The following KIAA1217 variants were observed in gnomAD, a reference collection of about 807,000 sequenced individuals.
KIAA1217 encodes the protein sickle tail protein homolog.
In KIAA1217, 88 loss-of-function variants were observed where a neutral mutation model predicts 163.9. That is an observed-to-expected ratio of 0.54 (90% confidence interval 0.45 to 0.64). KIAA1217 has a LOEUF of 0.64. Ranked by LOEUF, KIAA1217 falls within the 30% of genes least tolerant of loss-of-function variation. The pLI, the probability that KIAA1217 is intolerant of heterozygous loss-of-function variation, is 0.00. For synonymous variants in KIAA1217, 903 were observed against 923.1 expected, an observed-to-expected ratio of 0.98 and a Z score of 0.39; for missense variants, 2,372 against 2,475.0, an observed-to-expected ratio of 0.96 and a Z score of 0.88.
intron 1 of KIAA1217, among the ~76,000 whole-genome samples, chr10:23,950,168 T>C (rs1047452875): frequency 1.3e-5 from 2 of 152,300 alleles, no homozygotes; most frequent in East Asian, 3.9e-4. Context: ...AGTGGTGATT[T>C]GTAGTTGTAA....
intron 3 of KIAA1217, among the ~76,000 whole-genome samples, chr10:24,402,166 G>T (rs575749212): frequency 2.0e-4 from 30 of 151,946 alleles, no homozygotes; most frequent in Non-Finnish European, 3.7e-4. Flanking sequence ...ACCACAGCAA[G>T]TTTTTTTTGT....
At chr10:23,985,466 A>G (rs1845933367) in intron 1 of KIAA1217, among the ~76,000 whole-genome samples, 1 of 152,132 alleles carries the variant, frequency 6.6e-6, no homozygotes, top group African/African-American at 2.4e-5. Flanking sequence ...CCATGTTCTG[A>G]GTTACCACAG....
chr10:24,209,836 G>A (rs901715243), intron 1 of KIAA1217, among the ~76,000 whole-genome samples: 2 of 152,180 alleles, frequency 1.3e-5, no homozygotes, highest in African/African-American at 4.8e-5. Context: ...TTCAAAACTT[G>A]GGAGTTGTTG....
intron 1 of KIAA1217, among the ~76,000 whole-genome samples, chr10:23,864,817 T>C (rs932412403): frequency 3.3e-5 from 5 of 152,022 alleles, no homozygotes; most frequent in African/African-American, 1.2e-4. Flanking sequence ...TTGTGCAGAG[T>C]AGGCTGGCAG....
At chr10:24,251,615 G>T (rs979167801) in intron 2 of KIAA1217, among the ~76,000 whole-genome samples, 1 of 152,020 alleles carries the variant, frequency 6.6e-6, no homozygotes, top group South Asian at 2.1e-4. Flanking sequence ...AACAGCTGCT[G>T]TATTAAGATG....
chr10:24,234,656 C>CA (rs71397938), intron 2 of KIAA1217, among the ~76,000 whole-genome samples: 29,775 of 72,856 alleles, frequency 0.41, 5,179 homozygotes, highest in Non-Finnish European at 0.48. Context: ...AAAACTGTCT[C>CA]AAAAAAAAAA....
intron 2 of KIAA1217, among the ~76,000 whole-genome samples, chr10:24,201,322 T>C (rs905150693): frequency 6.6e-6 from 1 of 152,196 alleles, no homozygotes; most frequent in Non-Finnish European, 1.5e-5. Context: ...ACTCAAGCGT[T>C]ACACAAATTA....
chr10:23,836,515 CT>C (rs58429186), intron 1 of KIAA1217, among the ~76,000 whole-genome samples: 42,844 of 138,068 alleles, frequency 0.31, 6,985 homozygotes, highest in African/African-American at 0.47. Flanking sequence ...TCCAGAACTG[CT>C]TTTTTTTTTT....
At position 23,879,309 on chromosome 10, in the gene KIAA1217, T is replaced by C. The variant is rs75580089; in HGVS notation, c.-320-127916T>C. Among the ~76,000 whole-genome samples the C allele has an allele frequency of 6.2e-3, 939 of 151,994 alleles. 1 individual carries two copies. Among genetic ancestry groups the C allele is most frequent in the African/African-American group, 0.013 (520 of 41,518 alleles). ...AGGTTAAGTACCTCTGACTTAGAGATTGAGTGTTGCTAGAGATGAGAAATA... is the reference window on the plus strand; with the variant it reads ...AGGTTAAGTACCTCTGACTTAGAGACTGAGTGTTGCTAGAGATGAGAAATA... On this transcript the variant is annotated intron_variant, in intron 1 of 18. Transcript: ENST00000376462.
intron 2 of KIAA1217, among the ~76,000 whole-genome samples, chr10:24,239,668 C>T (rs1360490070): frequency 6.8e-6 from 1 of 147,408 alleles, no homozygotes; most frequent in African/African-American, 2.5e-5. Context: ...CTTATTTATT[C>T]CCAGATGTGT....
chr10:24,333,911 G>A (rs970394791), intron 2 of KIAA1217, among the ~76,000 whole-genome samples: 1 of 152,234 alleles, frequency 6.6e-6, no homozygotes, highest in African/African-American at 2.4e-5. Flanking sequence ...GCACATGGAT[G>A]TCAGCTGTTC....
In KIAA1217 at chr10:24,088,274, T is replaced by TACATACATAC. The variant is rs1554861358; in HGVS notation, c.-171+80903_-171+80904insTACATACACA. 3.9e-4 allele frequency among the ~76,000 whole-genome samples: 42 copies of TACATACATAC among 107,246 alleles called. 3 individuals carry two copies. Among genetic ancestry groups the TACATACATAC allele is most frequent in the African/African-American group, 9.6e-4 (31 of 32,284 alleles). 70.4% of individuals were successfully genotyped at this position (107,246 alleles called of 152,430 possible). A position where few individuals can be genotyped will look rare whatever the true frequency, so the allele number is the denominator to read the frequency against. On this transcript the variant is annotated intron_variant, in intron 2 of 18. Coordinates refer to the KIAA1217 transcript ENST00000376462. ...TAATATACATATATATATATATATA[T>TACATACATAC]ACACACATATATGTGTATATATATA... is the stretch of plus-strand genomic sequence containing the variant.
intron 1 of KIAA1217, among the ~76,000 whole-genome samples, chr10:23,935,774 G>A (rs1217040205): frequency 1.3e-5 from 2 of 152,016 alleles, no homozygotes; most frequent in East Asian, 3.9e-4. Flanking sequence ...ATCTATAAAG[G>A]CTTTCATTAA....
intron 1 of KIAA1217, among the ~76,000 whole-genome samples, chr10:23,768,215 T>C (rs1224186329): frequency 3.3e-5 from 5 of 152,086 alleles, no homozygotes; most frequent in African/African-American, 1.2e-4. Flanking sequence ...GGTGGAACAG[T>C]GGGGCAGGAG....
At chr10:23,845,569 C>A (rs541745805) in intron 1 of KIAA1217, among the ~76,000 whole-genome samples, 32 of 152,198 alleles carry the variant, frequency 2.1e-4, no homozygotes, top group African/African-American at 7.7e-4. Flanking sequence ...CCTTTGCCAA[C>A]TTTTTGATGG....
intron 2 of KIAA1217, among the ~76,000 whole-genome samples, chr10:24,173,051 G>C (rs2131920450): frequency 6.6e-6 from 1 of 152,318 alleles, no homozygotes; most frequent in South Asian, 2.1e-4. Context: ...GCAGGGGTGA[G>C]TGGCAGGCCA....
intron 1 of KIAA1217, among the ~76,000 whole-genome samples, chr10:23,882,038 T>G (rs1447636743): frequency 1.3e-5 from 2 of 151,930 alleles, no homozygotes; most frequent in Admixed American, 6.6e-5. Flanking sequence ...AGAGTGTCTC[T>G]TTCTTGTCTT....
intron 2 of KIAA1217, among the ~76,000 whole-genome samples, chr10:24,238,514 A>T (rs935264496): frequency 2.0e-5 from 3 of 152,196 alleles, no homozygotes; most frequent in Non-Finnish European, 4.4e-5. Context: ...AAACTAGGAT[A>T]GACATGCAAA....
intron 2 of KIAA1217, among the ~76,000 whole-genome samples, chr10:24,159,604 C>G (rs1157729115): frequency 9.1e-6 from 1 of 109,728 alleles, no homozygotes; most frequent in Non-Finnish European, 1.9e-5. Context: ...ACGGTGAAAC[C>G]CCGTCTCAAA....
Sources: allele counts gnomAD v4.1 joint callset (sites outside exome capture counted in the v4.1 genomes callset), GRCh38; gene constraint gnomAD v4.1.1; transcripts MANE v1.5; gene names NCBI Gene and HGNC (gene_info 2026-07-23, HGNC 2026-07-21).